Variants in HMG20A observed in about 807,000 individuals in gnomAD.
HMG20A encodes the protein high mobility group protein 20A.
A neutral mutation model predicts 43.9 loss-of-function variants in HMG20A; 17 were observed. The observed-to-expected ratio is 0.39, with a 90% confidence interval of 0.27 to 0.58. The LOEUF is 0.58. HMG20A is among the 20% of genes least tolerant of loss of function. The pLI is 0.59. For synonymous variants in HMG20A, 132 were observed against 147.5 expected (o/e 0.89, Z 0.76); for missense variants, 341 against 438.2 (o/e 0.78, Z 1.98).
chr15:77,510,279 T>A, the HMG20A span, among the ~76,000 whole-genome samples: 1 of 152,184 alleles, frequency 6.6e-6, no homozygotes. Flanking sequence ...GTACAGGGGC[T>A]ACCTGGCTGC....
At chr15:77,460,187 A>T (rs1381838351) in intron 2 of HMG20A, among the ~76,000 whole-genome samples, 2 of 152,156 alleles carry the variant, frequency 1.3e-5, no homozygotes, top group Admixed American at 1.3e-4. Context: ...TTTTTGGTGG[A>T]ATAGTGGGGG....
chr15:77,473,359 T>A (rs1025160058), intron 6 of HMG20A, among the ~76,000 whole-genome samples: 7 of 152,252 alleles, frequency 4.6e-5, no homozygotes, highest in Non-Finnish European at 1.0e-4. Context: ...TATAATTACT[T>A]CTCTCTTTCT....
At chr15:77,476,376 T>A (rs2072855298) in intron 6 of HMG20A, among the ~76,000 whole-genome samples, 1 of 151,114 alleles carries the variant, frequency 6.6e-6, no homozygotes, top group Admixed American at 6.6e-5. Flanking sequence ...TCCCAGTGAC[T>A]TGGGAGGCTG....
Position 77,420,907 on chromosome 15 carries a change from CGTGAA to C in HMG20A, c.-95_-91del, listed in dbSNP as rs1428094504. The stretch of plus-strand genomic sequence containing the variant: ...TTGTCCAGCTGTGAGACGACGAGTG[CGTGAA>C]GTGAAGGCGATTGAGAGGGGCTGAG... On this transcript the variant is annotated 5_prime_UTR_variant, in exon 1 of 10. Transcript: ENST00000336216. 2.5e-6 allele frequency: 1 copy of C among 398,760 alleles called. No homozygotes were observed. The highest frequency in any genetic ancestry group is 4.4e-6 in the Non-Finnish European group (1 of 226,144). 24.7% of individuals were successfully genotyped at this position (398,760 alleles called of 1,614,324 possible). A position where few individuals can be genotyped will look rare whatever the true frequency, so the allele number is the denominator to read the frequency against.
At chr15:77,477,190 A>C (rs2072864070) in intron 6 of HMG20A, among the ~76,000 whole-genome samples, 1 of 152,224 alleles carries the variant, frequency 6.6e-6, no homozygotes, top group Non-Finnish European at 1.5e-5. Flanking sequence ...AGTGACTGAA[A>C]AAAAACTACT....
chr15:77,489,479 A>G (rs1474201915), downstream of HMG20A, among the ~76,000 whole-genome samples: 1 of 152,228 alleles, frequency 6.6e-6, no homozygotes, highest in Non-Finnish European at 1.5e-5. Context: ...GGTGGGTCTG[A>G]GAACTGGAAT....
At chr15:77,421,129 G>A (rs1241213742) in intron 1 of HMG20A, 125 bp downstream of exon 1, 1 of 358,462 alleles carries the variant, frequency 2.8e-6, no homozygotes, top group Non-Finnish European at 4.9e-6. Flanking sequence ...GAATGGGGGC[G>A]CCTCAACTTC....
At chr15:77,450,708 TAAC>T (rs769361164) in intron 1 of HMG20A, among the ~76,000 whole-genome samples, 1 of 152,244 alleles carries the variant, frequency 6.6e-6, no homozygotes, top group African/African-American at 2.4e-5. Flanking sequence ...TGCCAGCTGT[TAAC>T]AACAAACAAT....
At chr15:77,474,607 A>G (rs1161422538) in intron 6 of HMG20A, among the ~76,000 whole-genome samples, 1 of 152,206 alleles carries the variant, frequency 6.6e-6, no homozygotes, top group Non-Finnish European at 1.5e-5. Flanking sequence ...TAAGTAAACT[A>G]TTTGGTTTGT....
At chr15:77,463,818 T>G (rs1388693805) in intron 2 of HMG20A, among the ~76,000 whole-genome samples, 2 of 152,226 alleles carry the variant, frequency 1.3e-5, no homozygotes, top group Non-Finnish European at 2.9e-5. Context: ...CTTTAAGACC[T>G]CTTTTGTGAT....
intron 1 of HMG20A, among the ~76,000 whole-genome samples, chr15:77,427,608 T>C (rs2073439507): frequency 6.6e-6 from 1 of 152,188 alleles, no homozygotes; most frequent in Non-Finnish European, 1.5e-5. Context: ...TGTTGGAACA[T>C]GAAGGAATTC....
chr15:77,478,481 C>T lies in HMG20A; in HGVS notation c.878C>T (p.Thr293Ile). Reference sequence around the variant, plus strand: ...CTGGAGACCCTGCGGCAGGTGCTGACCAGCAGCTTTGCCAGCATGCCCTTG... The same window carrying T: ...CTGGAGACCCTGCGGCAGGTGCTGATCAGCAGCTTTGCCAGCATGCCCTTG... ...QHLETLRQVL[T>I]SSFASMPLPG... Residue 293 changes from threonine (T) to isoleucine (I), a missense_variant, in exon 8 of 10, where the codon ACC becomes ATC. Coordinates refer to ENST00000336216, the MANE Select transcript of HMG20A (RefSeq NM_001304504.2). The T allele has an allele frequency of 1.2e-6, 2 of 1,611,132 alleles. No homozygotes were observed. The highest frequency in any genetic ancestry group is 1.7e-6 in the Non-Finnish European group (2 of 1,179,992).
downstream of HMG20A, among the ~76,000 whole-genome samples, chr15:77,487,638 C>T (rs138809746): frequency 1.3e-3 from 195 of 152,290 alleles, no homozygotes; most frequent in African/African-American, 4.6e-3. Flanking sequence ...TCTCTAACTG[C>T]TCAGCATCTG....
At chr15:77,502,820 A>T in the HMG20A span, among the ~76,000 whole-genome samples, 1 of 152,076 alleles carries the variant, frequency 6.6e-6, no homozygotes. Flanking sequence ...ATAAAAAAAA[A>T]TTAGCCAGGC....
the HMG20A span, among the ~76,000 whole-genome samples, chr15:77,504,682 T>A: frequency 3.3e-5 from 5 of 152,156 alleles, no homozygotes; most frequent in African/African-American, 1.2e-4. Context: ...GGAGGACCGC[T>A]GGAGGGGCAG....
At chr15:77,421,524 C>T (rs1184126925) in intron 1 of HMG20A, among the ~76,000 whole-genome samples, 1 of 152,248 alleles carries the variant, frequency 6.6e-6, no homozygotes. Context: ...CCAACACCTG[C>T]ACCCCTACTC....
the HMG20A span, among the ~76,000 whole-genome samples, chr15:77,498,520 C>T: frequency 6.6e-6 from 1 of 152,180 alleles, no homozygotes; most frequent in Non-Finnish European, 1.5e-5. Flanking sequence ...CCCCAGGCAC[C>T]TCTGGCCCTG....
rs559854943 is a variant in HMG20A, at chr15:77,449,396, A to T, written c.-4-9008A>T. 2.6e-5 allele frequency among the ~76,000 whole-genome samples: 4 copies of T among 152,322 alleles called. No homozygotes were observed. In the South Asian group the frequency reaches 8.3e-4, roughly 32 times the overall value. Reference sequence around the variant, plus strand: ...CCCCAGTTAACTGCCTGGCAGGATTAGCCAGTGTTCTCATTCACACTGTAA... The same window carrying T: ...CCCCAGTTAACTGCCTGGCAGGATTTGCCAGTGTTCTCATTCACACTGTAA... On this transcript the variant is annotated intron_variant, in intron 1 of 9. Coordinates refer to ENST00000336216, the MANE Select transcript of HMG20A (RefSeq NM_001304504.2).
the HMG20A span, among the ~76,000 whole-genome samples, chr15:77,495,358 G>A: frequency 6.6e-6 from 1 of 152,088 alleles, no homozygotes; most frequent in Non-Finnish European, 1.5e-5. Context: ...GACCAGCCTG[G>A]CCAATATAGT....
Sources: allele counts gnomAD v4.1 joint callset (sites outside exome capture counted in the v4.1 genomes callset), GRCh38; gene constraint gnomAD v4.1.1; transcripts MANE v1.5; gene names NCBI Gene and HGNC (gene_info 2026-07-23, HGNC 2026-07-21).